The following ATP9B variants were observed in gnomAD, a reference collection of about 807,000 sequenced individuals.
ATP9B encodes the protein probable phospholipid-transporting ATPase IIB.
In ATP9B, 110 loss-of-function variants were observed where a neutral mutation model predicts 146.1. The ratio of observed to expected loss-of-function variants is 0.75; its 90% CI spans 0.65 to 0.88. The LOEUF is 0.88. Among genes scored for constraint, ATP9B ranks in the 40% least tolerant of loss-of-function variants. ATP9B has a pLI of 0.00. For missense variants in ATP9B, 1,499 were observed against 1,496.4 expected, an observed-to-expected ratio of 1.00 and a Z score of -0.03; for synonymous variants, 604 against 569.7, an observed-to-expected ratio of 1.06 and a Z score of -0.86.
In ATP9B at chr18:79,069,667, G is replaced by C. The variant is rs2071477028; in HGVS notation, c.119+138G>C. On this transcript the variant is annotated intron_variant, in intron 1 of 29. Coordinates refer to ENST00000426216, the MANE Select transcript of ATP9B (RefSeq NM_198531.5). The stretch of plus-strand genomic sequence containing the variant: ...GTTCGCTGGGAGCCGGGAGTCCTTG[G>C]CGTTCTGAGCGCGCCGCAGCTGTGG... 7 of 521,222 alleles carry C rather than the reference G, an allele frequency of 1.3e-5. No homozygotes were observed. In the South Asian group the frequency reaches 4.9e-4, roughly 37 times the overall value. The allele number at this position is 521,222 out of a possible 1,614,324, so 32.3% of individuals were successfully genotyped here.
In ATP9B at chr18:79,176,813, G is replaced by A. The variant is rs143531795; in HGVS notation, c.779G>A (p.Gly260Asp). The change falls in exon 8 of 30, where the codon GGT (glycine) becomes GAT (aspartate). Residue 260 changes from glycine to aspartate, a missense_variant and splice_region_variant. By Grantham distance (94) the Gly-to-Asp change is moderately conservative. Transcript: ENST00000426216. Reference sequence around the variant, plus strand: ...TAAATTTTTATTCTCTACTTCCAAGGTTCGTGTTTTATTCGAACTGATCAA... The same window carrying A: ...TAAATTTTTATTCTCTACTTCCAAGATTCGTGTTTTATTCGAACTGATCAA... ...MVFLRTSEKA[G>D]SCFIRTDQLD... 1.9e-6 allele frequency: 3 copies of A among 1,613,588 alleles called. No homozygotes were observed. Among genetic ancestry groups the A allele is most frequent in the Non-Finnish European group, 2.5e-6 (3 of 1,179,750 alleles).
chr18:79,261,094 G>A (rs2096136036), intron 12 of ATP9B, among the ~76,000 whole-genome samples: 1 of 152,132 alleles, frequency 6.6e-6, no homozygotes, highest in Non-Finnish European at 1.5e-5. Context: ...ATGAGATCTG[G>A]GGCCTTTGAG....
At chr18:79,084,622 GT>G (rs1353598419) in intron 1 of ATP9B, among the ~76,000 whole-genome samples, 1 of 152,112 alleles carries the variant, frequency 6.6e-6, no homozygotes, top group African/African-American at 2.4e-5. Context: ...CACATTGGCG[GT>G]TGAAAACTAA....
intron 7 of ATP9B, among the ~76,000 whole-genome samples, chr18:79,158,312 T>C (rs1417090110): frequency 6.6e-6 from 1 of 152,156 alleles, no homozygotes; most frequent in Non-Finnish European, 1.5e-5. Context: ...CTTGCTTTGT[T>C]ACCCAGGCTG....
intron 13 of ATP9B, among the ~76,000 whole-genome samples, chr18:79,293,237 G>A (rs969439724): frequency 6.6e-5 from 10 of 151,692 alleles, no homozygotes; most frequent in African/African-American, 2.4e-4. Flanking sequence ...TAAAATTATA[G>A]TATTTTTAAA....
At chr18:79,137,913 T>C (rs1397064241) in intron 5 of ATP9B, among the ~76,000 whole-genome samples, 1 of 152,208 alleles carries the variant, frequency 6.6e-6, no homozygotes, top group Non-Finnish European at 1.5e-5. Context: ...AGGTGTGCCA[T>C]TGTCACTAAT....
chr18:79,346,348 G>A (rs2096887389), intron 23 of ATP9B, among the ~76,000 whole-genome samples: 1 of 151,548 alleles, frequency 6.6e-6, no homozygotes, highest in Admixed American at 6.6e-5. Context: ...CACACGGTCA[G>A]TGCACGTCAG....
At position 79,337,316 on chromosome 18, in the gene ATP9B, G is replaced by A; in HGVS notation, c.2150G>A (p.Arg717Lys). The A allele has an allele frequency of 1.2e-6, 2 of 1,614,114 alleles. No homozygotes were observed. The highest frequency in any genetic ancestry group is 1.7e-6 in the Non-Finnish European group (2 of 1,180,028). ...YTQAKLSMHD[R>K]SLKVAAVVES... is the part of the protein sequence containing the mutation. ...CAAGCCAAGCTGAGCATGCACGACAGGTCCCTCAAGGTGGCCGCGGTAGTC... is the reference window on the plus strand; with the variant it reads ...CAAGCCAAGCTGAGCATGCACGACAAGTCCCTCAAGGTGGCCGCGGTAGTC... The change falls in exon 19 of 30, where the codon AGG becomes AAG. Residue 717 changes from arginine (R) to lysine (K), a missense_variant. By Grantham distance (26) the Arg-to-Lys change is conservative (BLOSUM62 2). Transcript: ENST00000426216.
At chr18:79,135,340 C>G (rs1226504439) in intron 5 of ATP9B, among the ~76,000 whole-genome samples, 1 of 152,232 alleles carries the variant, frequency 6.6e-6, no homozygotes, top group Non-Finnish European at 1.5e-5. Flanking sequence ...TCTTGTTTCA[C>G]TGTGCTTCCA....
intron 15 of ATP9B, among the ~76,000 whole-genome samples, chr18:79,309,877 A>G (rs897212843): frequency 2.0e-5 from 3 of 152,200 alleles, no homozygotes; most frequent in Non-Finnish European, 4.4e-5. Flanking sequence ...TTCCATGACT[A>G]TTGAATGAGT....
intron 9 of ATP9B, among the ~76,000 whole-genome samples, chr18:79,200,393 C>T (rs2095457753): frequency 6.6e-6 from 1 of 152,132 alleles, no homozygotes; most frequent in Non-Finnish European, 1.5e-5. Context: ...AATAATTGAA[C>T]AAATGAGTAG....
At chr18:79,218,129 G>A (rs1205150210) in intron 11 of ATP9B, among the ~76,000 whole-genome samples, 1 of 152,230 alleles carries the variant, frequency 6.6e-6, no homozygotes, top group African/African-American at 2.4e-5. Context: ...TTCCAGGTCC[G>A]GCCAGGCTGG....
chr18:79,179,327 A>AT (rs531402606), intron 8 of ATP9B, among the ~76,000 whole-genome samples: 11 of 151,408 alleles, frequency 7.3e-5, no homozygotes, highest in African/African-American at 2.4e-4. Context: ...ATAGTTTATA[A>AT]TTTTTTTTGT....
intron 12 of ATP9B, among the ~76,000 whole-genome samples, chr18:79,258,637 C>T (rs2096109042): frequency 6.6e-6 from 1 of 152,174 alleles, no homozygotes; most frequent in African/African-American, 2.4e-5. Context: ...AGGATGATAG[C>T]CGGCTTTCTG....
intron 7 of ATP9B, among the ~76,000 whole-genome samples, chr18:79,155,793 C>G (rs538823671): frequency 6.6e-5 from 8 of 121,254 alleles, no homozygotes; most frequent in African/African-American, 2.5e-4. Context: ...GATGGAGTCT[C>G]GCTCTGTCGC....
intron 11 of ATP9B, among the ~76,000 whole-genome samples, chr18:79,220,046 G>GA (rs2095663073): frequency 6.6e-6 from 1 of 152,188 alleles, no homozygotes; most frequent in African/African-American, 2.4e-5. Context: ...CGCAGAAGCA[G>GA]AGATAGGCTG....
At chr18:79,237,364 G>A (rs956849276) in intron 11 of ATP9B, among the ~76,000 whole-genome samples, 1 of 151,072 alleles carries the variant, frequency 6.6e-6, no homozygotes, top group African/African-American at 2.4e-5. Flanking sequence ...ACGAGTCAGT[G>A]TCCACACCTG....
At chr18:79,257,325 A>G (rs1445785533) in intron 12 of ATP9B, among the ~76,000 whole-genome samples, 1 of 152,224 alleles carries the variant, frequency 6.6e-6, no homozygotes, top group Admixed American at 6.5e-5. Flanking sequence ...GAAACAATAC[A>G]AGGCAGCAAG....
intron 15 of ATP9B, among the ~76,000 whole-genome samples, chr18:79,318,937 G>A (rs967005481): frequency 6.6e-6 from 1 of 152,148 alleles, no homozygotes; most frequent in Non-Finnish European, 1.5e-5. Context: ...GGGTGGTGTG[G>A]TCTTCCTTTA....
Sources: allele counts gnomAD v4.1 joint callset (sites outside exome capture counted in the v4.1 genomes callset), GRCh38; gene constraint gnomAD v4.1.1; transcripts MANE v1.5; gene names NCBI Gene and HGNC (gene_info 2026-07-23, HGNC 2026-07-21).